HPSE2: variants seen among roughly 807,000 people sequenced by gnomAD.
HPSE2 encodes the protein heparanase 2 (inactive).
HPSE2 carries 38 observed loss-of-function variants against 60.5 expected under a neutral mutation model. The observed-to-expected ratio is 0.63, with a 90% CI of 0.48 to 0.82. The LOEUF (loss-of-function observed/expected upper bound fraction) is 0.82. Among genes scored for constraint, HPSE2 ranks in the 40% least tolerant of loss-of-function variants. The probability of loss-of-function intolerance (pLI) is 0.00; values close to 1 mark genes in which losing one functional copy is unlikely to be tolerated. For synonymous variants in HPSE2, 295 were observed against 293.2 expected (o/e 1.01, Z -0.06); for missense variants, 713 against 740.4 (o/e 0.96, Z 0.43).
At chr10:98,590,457 T>A (rs1313303886) in intron 9 of HPSE2, among the ~76,000 whole-genome samples, 1 of 152,236 alleles carries the variant, frequency 6.6e-6, no homozygotes, top group Non-Finnish European at 1.5e-5. Context: ...GGTCATATCA[T>A]TCAAACATTG....
chr10:99,070,875 A>C (rs191729364), intron 3 of HPSE2, among the ~76,000 whole-genome samples: 233 of 152,234 alleles, frequency 1.5e-3, no homozygotes, highest in South Asian at 6.8e-3. Flanking sequence ...TTCGTTGTAC[A>C]TGTTTACTAC....
chr10:99,282,504 C>T, the HPSE2 span, among the ~76,000 whole-genome samples: 1 of 152,148 alleles, frequency 6.6e-6, no homozygotes, highest in African/African-American at 2.4e-5. Context: ...ACTTCAACAA[C>T]ATTACAAACT....
rs146612122 is a variant in HPSE2, at chr10:98,931,265, G to T, written c.611-187209C>A. Among the ~76,000 whole-genome samples the T allele has an allele frequency of 8.6e-3, 1,242 of 143,888 alleles. 269 individuals carry two copies. Among genetic ancestry groups the T allele is most frequent in the African/African-American group, 0.034 (1,193 of 35,394 alleles). The allele number at this position is 143,888 out of a possible 152,430, so 94.4% of individuals were successfully genotyped here. A position where few individuals can be genotyped will look rare whatever the true frequency, so the allele number is the denominator to read the frequency against. ...GCATGTTTTTGTCAGGTCTGTCAAA[G>T]ATCAGATAGCTGTAGATGGGCAGTT... On this transcript the variant is annotated intron_variant, in intron 3 of 11. Coordinates refer to ENST00000370552, the MANE Select transcript of HPSE2 (RefSeq NM_021828.5).
intron 3 of HPSE2, among the ~76,000 whole-genome samples, chr10:99,061,982 G>GAGAGGGCAT (rs1391967850): frequency 6.6e-6 from 1 of 152,192 alleles, no homozygotes; most frequent in Non-Finnish European, 1.5e-5. Context: ...GAGGAGAGCA[G>GAGAGGGCAT]AGAGGGCATA....
At position 98,597,665 on chromosome 10, in the gene HPSE2, T is replaced by C. The variant is rs555398599; in HGVS notation, c.1320+17239A>G. On this transcript the variant is annotated intron_variant, in intron 9 of 11. Coordinates refer to ENST00000370552, the MANE Select transcript of HPSE2 (RefSeq NM_021828.5). ...CAGCCTGGGCAACAGAGCGAGACTC[T>C]GTCTCAAGAAAAAAAAAAAAAATTG... Among the ~76,000 whole-genome samples the C allele has an allele frequency of 6.0e-3, 663 of 109,638 alleles. 4 individuals carry two copies. The highest frequency in any genetic ancestry group is 0.019 in the African/African-American group (622 of 33,000). 71.9% of individuals were successfully genotyped at this position (109,638 alleles called of 152,430 possible).
intron 3 of HPSE2, among the ~76,000 whole-genome samples, chr10:98,933,227 G>A (rs1285556400): frequency 9.0e-6 from 1 of 110,676 alleles, no homozygotes; most frequent in Non-Finnish European, 1.9e-5. Flanking sequence ...ATTTACCCCA[G>A]AGTCATTCAG....
At chr10:98,626,803 C>T (rs1331882373) in intron 7 of HPSE2, among the ~76,000 whole-genome samples, 7 of 151,538 alleles carry the variant, frequency 4.6e-5, no homozygotes, top group African/African-American at 9.7e-5. Flanking sequence ...GACGGAGTCT[C>T]GCTCTGTTGC....
At chr10:98,800,250 T>A (rs1378564476) in intron 3 of HPSE2, among the ~76,000 whole-genome samples, 1 of 151,746 alleles carries the variant, frequency 6.6e-6, no homozygotes, top group Non-Finnish European at 1.5e-5. Flanking sequence ...ATGCCTGTAG[T>A]CCCAGCTACT....
At chr10:98,571,065 C>T (rs1429019624) in intron 9 of HPSE2, among the ~76,000 whole-genome samples, 6 of 152,020 alleles carry the variant, frequency 3.9e-5, no homozygotes, top group Admixed American at 2.0e-4. Context: ...CTAGTGCAAT[C>T]GAAGATTTAT....
chr10:99,200,149 T>C (rs568632898), intron 2 of HPSE2, among the ~76,000 whole-genome samples: 4 of 152,226 alleles, frequency 2.6e-5, no homozygotes, highest in Non-Finnish European at 4.4e-5. Flanking sequence ...ACTGAATTCA[T>C]TTATTAGTTC....
chr10:99,216,522 C>T (rs1849135707), intron 2 of HPSE2, among the ~76,000 whole-genome samples: 1 of 152,154 alleles, frequency 6.6e-6, no homozygotes, highest in Non-Finnish European at 1.5e-5. Flanking sequence ...ACATTTACAA[C>T]AATCAGAGAT....
At position 99,069,632 on chromosome 10, in the gene HPSE2, TACTC is replaced by T. The variant is rs1173272101; in HGVS notation, c.610+74602_610+74605del. Among the ~76,000 whole-genome samples the T allele has an allele frequency of 4.6e-5, 7 of 151,408 alleles. No individual in the cohort carries two copies. The Admixed American group carries it at 4.6e-4, about 10-fold the overall frequency. ...TACAGTTAGAGCTATACAGTACTAA[TACTC>T]AATCTTCTTCACAGTTGTGAGTGAT... On this transcript the variant is annotated intron_variant, in intron 3 of 11. Coordinates refer to ENST00000370552, the MANE Select transcript of HPSE2 (RefSeq NM_021828.5).
chr10:98,809,893 T>C (rs2134565500), intron 3 of HPSE2, among the ~76,000 whole-genome samples: 1 of 152,296 alleles, frequency 6.6e-6, no homozygotes, highest in African/African-American at 2.4e-5. Flanking sequence ...CTTCTGTTAC[T>C]TTCTGAAAAG....
At chr10:98,711,065 A>G (rs1948665315) in intron 5 of HPSE2, among the ~76,000 whole-genome samples, 1 of 152,082 alleles carries the variant, frequency 6.6e-6, no homozygotes, top group Non-Finnish European at 1.5e-5. Flanking sequence ...GAAAGAAGAA[A>G]AAGACAGGGA....
chr10:99,310,760 G>A, the HPSE2 span, among the ~76,000 whole-genome samples: 1 of 152,274 alleles, frequency 6.6e-6, no homozygotes, highest in African/African-American at 2.4e-5. Context: ...CCGAGTAGCT[G>A]GAACTACAAG....
intron 2 of HPSE2, among the ~76,000 whole-genome samples, chr10:99,153,551 A>C (rs1486812695): frequency 2.0e-5 from 3 of 151,472 alleles, no homozygotes; most frequent in Non-Finnish European, 4.4e-5. Context: ...CCTGTCTGTT[A>C]GAAGGAAAAC....
the HPSE2 span, among the ~76,000 whole-genome samples, chr10:99,272,135 G>C: frequency 4.6e-5 from 7 of 152,214 alleles, no homozygotes; most frequent in African/African-American, 1.4e-4. Context: ...GCCAGGCATG[G>C]TGGCAGACGC....
the HPSE2 span, among the ~76,000 whole-genome samples, chr10:99,272,812 T>C: frequency 6.6e-6 from 1 of 152,208 alleles, no homozygotes; most frequent in Non-Finnish European, 1.5e-5. Flanking sequence ...GGAACACTTT[T>C]ACACTGCTGG....
chr10:99,252,301 G>A, the HPSE2 span, among the ~76,000 whole-genome samples: 27 of 152,142 alleles, frequency 1.8e-4, no homozygotes, highest in African/African-American at 6.3e-4. Flanking sequence ...CATAGTACTA[G>A]AAAGAAGTGT....
Sources: allele counts gnomAD v4.1 joint callset (sites outside exome capture counted in the v4.1 genomes callset), GRCh38; gene constraint gnomAD v4.1.1; transcripts MANE v1.5; gene names NCBI Gene and HGNC (gene_info 2026-07-23, HGNC 2026-07-21).